Variants in DNM3 observed in about 807,000 individuals in gnomAD.
The protein encoded by DNM3 is dynamin 3.
DNM3 carries 47 observed loss-of-function variants against 101.6 expected under a neutral mutation model. The observed-to-expected ratio is 0.46, with a 90% CI of 0.37 to 0.59. The LOEUF is 0.59. Among genes scored for constraint, DNM3 ranks in the 20% least tolerant of loss-of-function variants. The pLI is 0.00. For synonymous variants in DNM3, 385 were observed against 387.9 expected (o/e 0.99, Z 0.09); for missense variants, 849 against 1,085.7 (o/e 0.78, Z 3.06).
At chr1:172,065,406 G>A (rs971531327) in intron 10 of DNM3, among the ~76,000 whole-genome samples, 3 of 152,102 alleles carry the variant, frequency 2.0e-5, no homozygotes, top group South Asian at 2.1e-4. Flanking sequence ...TTGTCTTGGT[G>A]ACCTAGGGCA....
At chr1:172,153,618 C>G (rs1056907000) in intron 14 of DNM3, among the ~76,000 whole-genome samples, 7 of 152,098 alleles carry the variant, frequency 4.6e-5, no homozygotes, top group African/African-American at 1.7e-4. Flanking sequence ...CCTCTTCTCT[C>G]CAGCCCCTAT....
chr1:172,169,925 G>C (rs1261830429), intron 14 of DNM3, among the ~76,000 whole-genome samples: 3 of 151,590 alleles, frequency 2.0e-5, no homozygotes, highest in Non-Finnish European at 4.4e-5. Flanking sequence ...AGGAACCAAG[G>C]GCAAAACTTA....
intron 11 of DNM3, among the ~76,000 whole-genome samples, chr1:172,073,152 A>G (rs1408448293): frequency 6.6e-6 from 1 of 152,072 alleles, no homozygotes; most frequent in African/African-American, 2.4e-5. Flanking sequence ...ATATAGATAT[A>G]CACACACATA....
chr1:171,987,217 A>G (rs1458256165), intron 2 of DNM3: 8 of 735,304 alleles, frequency 1.1e-5, no homozygotes, highest in African/African-American at 5.7e-5. Context: ...CCCTTAACTT[A>G]TTTTGCCTTC....
At chr1:172,413,742 G>A (rs183483507), downstream of DNM3, among the ~76,000 whole-genome samples, 1 of 152,274 alleles carries the variant, frequency 6.6e-6, no homozygotes. Context: ...TTTTCTTTCT[G>A]CGATCAGGGC....
intron 20 of DNM3, chr1:172,418,192 T>A: frequency 3.6e-6 from 4 of 1,112,220 alleles, no homozygotes; most frequent in Non-Finnish European, 4.7e-6. Context: ...ATTATTTGGG[T>A]TTATTTTATA....
intron 1 of DNM3, among the ~76,000 whole-genome samples, chr1:171,905,294 A>G (rs2038727351): frequency 6.6e-6 from 1 of 152,198 alleles, no homozygotes; most frequent in South Asian, 2.1e-4. Flanking sequence ...CTAACTCATC[A>G]TTCAAAATTC....
intron 4 of DNM3, among the ~76,000 whole-genome samples, chr1:172,020,007 G>A (rs1015811850): frequency 2.0e-5 from 3 of 152,084 alleles, no homozygotes; most frequent in African/African-American, 7.2e-5. Flanking sequence ...TCCTCAAACT[G>A]TGGGGTTTTT....
chr1:172,004,232 G>GAGAAGAA (rs2046533310), intron 4 of DNM3, among the ~76,000 whole-genome samples: 1 of 152,048 alleles, frequency 6.6e-6, no homozygotes, highest in South Asian at 2.1e-4. Context: ...TTCCTATAAA[G>GAGAAGAA]AGAAGAAAGA....
chr1:172,337,005 AATGT>A (rs1488019304), intron 17 of DNM3, among the ~76,000 whole-genome samples: 2 of 152,228 alleles, frequency 1.3e-5, no homozygotes, highest in Non-Finnish European at 1.5e-5. Flanking sequence ...GCTATCTTCC[AATGT>A]ATCGGCTATC....
intron 15 of DNM3, among the ~76,000 whole-genome samples, chr1:172,281,468 A>G (rs887517979): frequency 1.3e-5 from 2 of 152,126 alleles, no homozygotes; most frequent in Non-Finnish European, 2.9e-5. Flanking sequence ...ATTTTCCCCA[A>G]CATAAGCATT....
In DNM3 at chr1:172,048,554, T is replaced by C. The variant is rs1012754090; in HGVS notation, c.1197-58T>C. On this transcript the variant is annotated intron_variant, in intron 9 of 20. Transcript: ENST00000627582. ...GTTAATTTAAACATTTTTCAAAAGA[T>C]TTTTGAATATTACTCAATTAAAAAA... The C allele has an allele frequency of 5.9e-6, 9 of 1,534,938 alleles. No homozygotes were observed. The African/African-American group carries it at 7.0e-5, about 12-fold the overall frequency.
intron 1 of DNM3, among the ~76,000 whole-genome samples, chr1:171,865,295 C>T (rs575431963): frequency 4.6e-5 from 7 of 151,940 alleles, no homozygotes; most frequent in South Asian, 2.1e-4. Flanking sequence ...GCAGGCAAAT[C>T]GCTTGAGCCC....
At chr1:171,848,975 G>C (rs1445324253) in intron 1 of DNM3, among the ~76,000 whole-genome samples, 7 of 152,098 alleles carry the variant, frequency 4.6e-5, no homozygotes, top group South Asian at 4.1e-4. Context: ...GTGCTTCTTT[G>C]TGACAGTGTG....
intron 20 of DNM3, among the ~76,000 whole-genome samples, chr1:172,395,125 A>T (rs972812899): frequency 6.6e-6 from 1 of 152,158 alleles, no homozygotes; most frequent in African/African-American, 2.4e-5. Flanking sequence ...ATTAGAAGAA[A>T]GGACTGCTGG....
At chr1:172,336,430 G>A (rs2066430638) in intron 17 of DNM3, among the ~76,000 whole-genome samples, 1 of 149,052 alleles carries the variant, frequency 6.7e-6, no homozygotes, top group Non-Finnish European at 1.5e-5. Context: ...TATTTCCTTA[G>A]GGTAGATTTA....
intron 14 of DNM3, among the ~76,000 whole-genome samples, chr1:172,224,798 A>G (rs1041698958): frequency 9.2e-5 from 14 of 152,194 alleles, no homozygotes. Flanking sequence ...ATGAAATCCC[A>G]TTGTATAAAA....
intron 14 of DNM3, among the ~76,000 whole-genome samples, chr1:172,214,728 G>T (rs971257003): frequency 6.6e-6 from 1 of 152,160 alleles, no homozygotes; most frequent in South Asian, 2.1e-4. Context: ...AGGAGTGTGG[G>T]TATAGAAAGA....
At chr1:172,230,413 T>C (rs945389014) in intron 14 of DNM3, among the ~76,000 whole-genome samples, 9 of 152,294 alleles carry the variant, frequency 5.9e-5, no homozygotes, top group Admixed American at 2.0e-4. Flanking sequence ...ATATGTATGT[T>C]TTGTAAAAGT....
Sources: allele counts gnomAD v4.1 joint callset (sites outside exome capture counted in the v4.1 genomes callset), GRCh38; gene constraint gnomAD v4.1.1; transcripts MANE v1.5; gene names NCBI Gene and HGNC (gene_info 2026-07-23, HGNC 2026-07-21).